The following EFNA5 variants were observed in gnomAD, a reference collection of about 807,000 sequenced individuals.
EFNA5 encodes the protein ephrin-A5.
In EFNA5, 5 loss-of-function variants were observed where a neutral mutation model predicts 22.9. The observed-to-expected ratio is 0.22, with a 90% CI of 0.11 to 0.46. The LOEUF is 0.46. Among genes scored for constraint, EFNA5 ranks in the 20% least tolerant of loss-of-function variants. The probability of loss-of-function intolerance (pLI) is 0.99; values close to 1 mark genes in which losing one functional copy is unlikely to be tolerated. For synonymous variants in EFNA5, 113 were observed against 112.2 expected, an observed-to-expected ratio of 1.01 and a Z score of -0.04; for missense variants, 237 against 293.3, an observed-to-expected ratio of 0.81 and a Z score of 1.40.
intron 1 of EFNA5, among the ~76,000 whole-genome samples, chr5:107,596,912 T>C (rs1046759086): frequency 1.3e-5 from 2 of 152,048 alleles, no homozygotes; most frequent in Non-Finnish European, 2.9e-5. Context: ...AGAAAGTCAG[T>C]TGACAAAAAT....
At chr5:107,476,280 T>C in intron 1 of EFNA5, among the ~76,000 whole-genome samples, 1 of 151,336 alleles carries the variant, frequency 6.6e-6, no homozygotes, top group African/African-American at 2.4e-5. Flanking sequence ...CTTGAACTCC[T>C]GACCTCAGGT....
chr5:107,614,453 T>C (rs1021398130), intron 1 of EFNA5, among the ~76,000 whole-genome samples: 1 of 152,194 alleles, frequency 6.6e-6, no homozygotes, highest in Admixed American at 6.5e-5. Context: ...CATGGAAATA[T>C]ACTGTTAAAA....
At chr5:107,573,032 A>C (rs164700) in intron 1 of EFNA5, among the ~76,000 whole-genome samples, 115,314 of 152,066 alleles carry the variant, frequency 0.76, 44,514 homozygotes, top group Middle Eastern at 0.85. Context: ...CGTTAAGACA[A>C]CCAAAAAGAA....
At chr5:107,666,351 A>C (rs1434258597) in intron 1 of EFNA5, among the ~76,000 whole-genome samples, 1 of 152,176 alleles carries the variant, frequency 6.6e-6, no homozygotes, top group Non-Finnish European at 1.5e-5. Context: ...CTCTCTTCTT[A>C]GCCACATACA....
chr5:107,503,383 T>C (rs1190338887), intron 1 of EFNA5, among the ~76,000 whole-genome samples: 1 of 152,212 alleles, frequency 6.6e-6, no homozygotes, highest in African/African-American at 2.4e-5. Context: ...CCACTAAAAA[T>C]CTGTCATTCA....
At chr5:107,579,634 C>A (rs1561439059) in intron 1 of EFNA5, among the ~76,000 whole-genome samples, 1 of 151,680 alleles carries the variant, frequency 6.6e-6, no homozygotes. Context: ...TAGTCCTTTT[C>A]TCTCTCTCTG....
In EFNA5 at chr5:107,381,103, T is replaced by A; in HGVS notation, c.*152A>T. 8.6e-7 allele frequency: 1 copy of A among 1,168,542 alleles called. No individual in the cohort carries two copies. The highest frequency in any genetic ancestry group is 1.2e-6 in the Non-Finnish European group (1 of 855,118). 72.4% of individuals were successfully genotyped at this position (1,168,542 alleles called of 1,614,324 possible). On this transcript the variant is annotated 3_prime_UTR_variant, in exon 5 of 5. Coordinates refer to ENST00000333274, the MANE Select transcript of EFNA5 (RefSeq NM_001962.3). ...AGTTTAGGCCCCCAACCTGAAGTTGTTGCTTAGAATTCAGGCTGAAAGAAA... is the reference window on the plus strand; with the variant it reads ...AGTTTAGGCCCCCAACCTGAAGTTGATGCTTAGAATTCAGGCTGAAAGAAA...
At chr5:107,455,310 C>T (rs375758080) in intron 1 of EFNA5, among the ~76,000 whole-genome samples, 3 of 152,120 alleles carry the variant, frequency 2.0e-5, no homozygotes, top group African/African-American at 4.8e-5. Context: ...CATCCTGAAA[C>T]GTGAGCATTC....
At chr5:107,637,623 G>A (rs1335163176) in intron 1 of EFNA5, among the ~76,000 whole-genome samples, 1 of 149,450 alleles carries the variant, frequency 6.7e-6, no homozygotes, top group Non-Finnish European at 1.5e-5. Flanking sequence ...CAAAATAAAA[G>A]ATACATATAG....
chr5:107,511,866 A>G (rs1425373822), intron 1 of EFNA5, among the ~76,000 whole-genome samples: 1 of 152,206 alleles, frequency 6.6e-6, no homozygotes, highest in African/African-American at 2.4e-5. Flanking sequence ...GTTTGTTCAA[A>G]GGGCTAAAAA....
intron 2 of EFNA5, among the ~76,000 whole-genome samples, chr5:107,396,182 C>T (rs906623513): frequency 2.0e-5 from 3 of 152,242 alleles, no homozygotes; most frequent in Non-Finnish European, 4.4e-5. Context: ...TATTATTCTC[C>T]TTGGTGAGGG....
At chr5:107,521,536 C>G (rs555410369) in intron 1 of EFNA5, among the ~76,000 whole-genome samples, 3 of 147,536 alleles carry the variant, frequency 2.0e-5, no homozygotes, top group Non-Finnish European at 4.5e-5. Flanking sequence ...GTCTTAAACT[C>G]CTAGGCTCAA....
chr5:107,430,455 A>T (rs147023723), intron 1 of EFNA5, among the ~76,000 whole-genome samples: 128 of 152,252 alleles, frequency 8.4e-4, no homozygotes, highest in South Asian at 4.2e-3. Flanking sequence ...GCACTGCTCA[A>T]AGTGAAAGTA....
chr5:107,615,357 G>A (rs555021473), intron 1 of EFNA5, among the ~76,000 whole-genome samples: 2 of 152,136 alleles, frequency 1.3e-5, no homozygotes, highest in South Asian at 2.1e-4. Flanking sequence ...TCCATCATGA[G>A]GATGCAAGAG....
At chr5:107,444,074 A>C (rs1749331648) in intron 1 of EFNA5, among the ~76,000 whole-genome samples, 1 of 152,034 alleles carries the variant, frequency 6.6e-6, no homozygotes, top group Non-Finnish European at 1.5e-5. Flanking sequence ...TGGACACAGC[A>C]TGCTGAGTGC....
chr5:107,463,539 T>C (rs909652310), intron 1 of EFNA5, among the ~76,000 whole-genome samples: 1 of 152,188 alleles, frequency 6.6e-6, no homozygotes, highest in African/African-American at 2.4e-5. Context: ...TGTATGTGTA[T>C]ATGTAATTTA....
chr5:107,572,412 G>A (rs1229772569), intron 1 of EFNA5, among the ~76,000 whole-genome samples: 1 of 152,114 alleles, frequency 6.6e-6, no homozygotes, highest in Non-Finnish European at 1.5e-5. Flanking sequence ...ATCCAAGCAA[G>A]CTGAAAAGAA....
intron 2 of EFNA5, among the ~76,000 whole-genome samples, chr5:107,406,089 C>CA (rs1561372476): frequency 1.0e-4 from 3 of 29,860 alleles, no homozygotes; most frequent in East Asian, 7.0e-4. Context: ...ATACAAATAC[C>CA]TATATTTGTA....
At chr5:107,665,594 C>A (rs1751049705) in intron 1 of EFNA5, among the ~76,000 whole-genome samples, 1 of 152,128 alleles carries the variant, frequency 6.6e-6, no homozygotes, top group South Asian at 2.1e-4. Context: ...TTGGTCTTAC[C>A]CTGAAAATGC....
Sources: gnomAD v4.1 joint callset for allele counts (sites outside exome capture counted in the v4.1 genomes callset) on GRCh38, gnomAD v4.1.1 for gene constraint, MANE v1.5 for transcripts, NCBI Gene and HGNC (gene_info 2026-07-23, HGNC 2026-07-21) for gene names.